The following EIF2AK4 variants were observed in gnomAD, a reference collection of about 807,000 sequenced individuals.
EIF2AK4 encodes the protein eIF-2-alpha kinase GCN2.
A neutral mutation model predicts 211.1 loss-of-function variants in EIF2AK4; 139 were observed. That is an observed-to-expected ratio of 0.66 (90% CI 0.57 to 0.76). EIF2AK4 has a LOEUF of 0.76. Among genes scored for constraint, EIF2AK4 ranks in the 30% least tolerant of loss-of-function variants. The pLI is 0.00. For missense variants in EIF2AK4, 1,664 were observed against 2,043.8 expected, an observed-to-expected ratio of 0.81 and a Z score of 3.58; for synonymous variants, 710 against 751.3, an observed-to-expected ratio of 0.94 and a Z score of 0.90.
chr15:40,004,872 T>C (rs545670238), intron 23 of EIF2AK4, among the ~76,000 whole-genome samples: 2 of 152,306 alleles, frequency 1.3e-5, no homozygotes, highest in South Asian at 4.1e-4. Flanking sequence ...TATTTTTATA[T>C]AGATCAAATA....
intron 4 of EIF2AK4, 83 bp downstream of exon 4, chr15:39,949,351 C>T: frequency 6.5e-7 from 1 of 1,537,060 alleles, no homozygotes; most frequent in South Asian, 1.2e-5. Context: ...TCTCTGCCTA[C>T]AAACTTATCT....
rs368270840 is a variant in EIF2AK4, at chr15:40,030,446, A to G, written c.4649A>G (p.Tyr1550Cys). The stretch of plus-strand genomic sequence containing the variant: ...CTGTCAGCCAGCACTAGGAGGCGCT[A>G]TGAAACTCAGGTACACTGGGTCAGG... ...EKLSASTRRR[Y>C]ETQVQTRLQT... is the part of the protein sequence containing the mutation. Residue 1550 changes from tyrosine (Y) to cysteine (C), a missense_variant, in exon 35 of 39, where the codon TAT becomes TGT. Coordinates refer to ENST00000263791, the MANE Select transcript of EIF2AK4 (RefSeq NM_001013703.4). 1 of 1,613,952 alleles carries G rather than the reference A, an allele frequency of 6.2e-7. No homozygotes were observed. Among genetic ancestry groups the G allele is most frequent in the African/African-American group, 1.3e-5 (1 of 75,050 alleles).
At chr15:39,945,262 G>A (rs557342328) in intron 3 of EIF2AK4, among the ~76,000 whole-genome samples, 303 of 151,828 alleles carry the variant, frequency 2.0e-3, no homozygotes, top group Middle Eastern at 3.4e-3. Context: ...TTACAGGCCC[G>A]AGCCACCACA....
At chr15:40,002,575 G>A in intron 21 of EIF2AK4, 138 bp from the exon 22 acceptor site, 3 of 822,182 alleles carry the variant, frequency 3.6e-6, no homozygotes, top group Non-Finnish European at 6.2e-6. Context: ...TGTGTTCAAA[G>A]AGGGATGGAC....
chr15:39,937,242 TG>T (rs2034078648), intron 1 of EIF2AK4, among the ~76,000 whole-genome samples: 1 of 152,242 alleles, frequency 6.6e-6, no homozygotes, highest in Non-Finnish European at 1.5e-5. Context: ...TAGTGTATGG[TG>T]GTGTTTGTTT....
chr15:39,962,681 ATTATACC>A (rs2034489892), intron 7 of EIF2AK4, among the ~76,000 whole-genome samples: 1 of 152,184 alleles, frequency 6.6e-6, no homozygotes. Context: ...TGCTTGACAT[ATTATACC>A]TGACCAAGAA....
chr15:39,975,209 A>G (rs1247228075), intron 11 of EIF2AK4: 1 of 151,928 alleles, frequency 6.6e-6, no homozygotes, highest in East Asian at 1.9e-4. Flanking sequence ...TAGATGAGGG[A>G]ACTGAAGCTC....
intron 4 of EIF2AK4, 90 bp downstream of exon 4, chr15:39,949,358 A>C: frequency 6.6e-7 from 1 of 1,523,208 alleles, no homozygotes; most frequent in African/African-American, 1.4e-5. Flanking sequence ...CTACAAACTT[A>C]TCTTTAAGTT....
Position 39,950,095 on chromosome 15 carries a change from A to T in EIF2AK4, c.513+827A>T, listed in dbSNP as rs1388817525. Among the ~76,000 whole-genome samples, 3 of 152,228 alleles carry T rather than the reference A, an allele frequency of 2.0e-5. No homozygotes were observed. In the East Asian group the frequency reaches 5.8e-4, roughly 29 times the overall value. ...TAGAACTTACTTTGATTCAGGTTAT[A>T]AAAAAAGCCTAAGTATATTTTTCTT... On this transcript the variant is annotated intron_variant, in intron 4 of 38. Coordinates refer to ENST00000263791, the MANE Select transcript of EIF2AK4 (RefSeq NM_001013703.4).
At chr15:40,016,436 A>G in intron 27 of EIF2AK4, 66 bp from the exon 28 acceptor site, 1 of 1,590,326 alleles carries the variant, frequency 6.3e-7, no homozygotes, top group South Asian at 1.1e-5. Context: ...AGGTGCACAC[A>G]GTCGGTGCAA....
chr15:39,943,369 T>C lies in EIF2AK4; in HGVS notation c.258-14T>C. The C allele has an allele frequency of 2.1e-6, 3 of 1,405,226 alleles. No homozygotes were observed. The highest frequency in any genetic ancestry group is 1.4e-5 in the South Asian group (1 of 69,966). 87.0% of individuals were successfully genotyped at this position (1,405,226 alleles called of 1,614,324 possible). A position where few individuals can be genotyped will look rare whatever the true frequency, so the allele number is the denominator to read the frequency against. On this transcript the variant is annotated splice_polypyrimidine_tract_variant and intron_variant, in intron 2 of 38. Coordinates refer to ENST00000263791, the MANE Select transcript of EIF2AK4 (RefSeq NM_001013703.4). ...AGTAACTCTTTTTTTTTTTTTTTTT[T>C]TTGCCTTTTCCAGAGTTCCTGAAAT... is the stretch of plus-strand genomic sequence containing the variant.
At chr15:39,987,099 CTT>C (rs879708174) in intron 14 of EIF2AK4, among the ~76,000 whole-genome samples, 2 of 152,208 alleles carry the variant, frequency 1.3e-5, no homozygotes, top group Non-Finnish European at 2.9e-5. Context: ...ACATAAATAT[CTT>C]TGAGGTACCA....
In EIF2AK4 at chr15:39,990,285, C is replaced by T. The variant is rs367727235; in HGVS notation, c.2539C>T (p.Arg847Trp). The T allele has an allele frequency of 2.0e-5, 32 of 1,613,902 alleles. No individual in the cohort carries two copies. The highest frequency in any genetic ancestry group is 6.7e-5 in the East Asian group (3 of 44,882). Reference protein sequence around the residue: ...AYIHEKGMIHRDLKPVNIFLD... With the variant: ...AYIHEKGMIHWDLKPVNIFLD... ...TCTCTTTCAACAGGGAATGATTCACCGGGATTTGAAGCCTGTCAACATTTT... is the reference window on the plus strand; with the variant it reads ...TCTCTTTCAACAGGGAATGATTCACTGGGATTTGAAGCCTGTCAACATTTT... The change falls in exon 16 of 39, where the codon CGG becomes TGG. Residue 847 changes from arginine to tryptophan, a missense_variant. By Grantham distance (101) the Arg-to-Trp change is moderately radical. Transcript: ENST00000263791.
intron 4 of EIF2AK4, among the ~76,000 whole-genome samples, chr15:39,951,027 G>A (rs146014521): frequency 2.4e-3 from 371 of 152,170 alleles, no homozygotes; most frequent in African/African-American, 8.7e-3. Flanking sequence ...CGGCCAATAC[G>A]TGATTTCTGT....
At chr15:40,002,114 A>G (rs771815978) in intron 21 of EIF2AK4, among the ~76,000 whole-genome samples, 4 of 152,230 alleles carry the variant, frequency 2.6e-5, no homozygotes, top group African/African-American at 7.2e-5. Context: ...AAAGATCAGT[A>G]TAGATTTTAG....
chr15:40,005,714 G>C (rs2035152159), intron 23 of EIF2AK4, among the ~76,000 whole-genome samples: 1 of 151,494 alleles, frequency 6.6e-6, no homozygotes, highest in Non-Finnish European at 1.5e-5. Flanking sequence ...TGGGACTGTA[G>C]GTGCCCGCTA....
At chr15:40,010,238 A>T (rs559902719) in intron 26 of EIF2AK4, among the ~76,000 whole-genome samples, 1 of 152,342 alleles carries the variant, frequency 6.6e-6, no homozygotes, top group African/African-American at 2.4e-5. Flanking sequence ...GCAACTGTTC[A>T]TGTTGAGAAT....
chr15:40,009,069 TTTTTG>T (rs57240792), intron 25 of EIF2AK4, among the ~76,000 whole-genome samples: 36,027 of 146,586 alleles, frequency 0.25, 4,601 homozygotes, highest in African/African-American at 0.29. Flanking sequence ...GTCAGAGTTG[TTTTTG>T]TTTTGTTTTG....
chr15:40,022,858 C>T (rs2140946711), intron 32 of EIF2AK4, among the ~76,000 whole-genome samples: 1 of 152,268 alleles, frequency 6.6e-6, no homozygotes, highest in South Asian at 2.1e-4. Flanking sequence ...CTCAGCCTCC[C>T]CGGTAGCTGG....
Sources: gnomAD v4.1 joint callset for allele counts (sites outside exome capture counted in the v4.1 genomes callset) on GRCh38, gnomAD v4.1.1 for gene constraint, MANE v1.5 for transcripts, NCBI Gene and HGNC (gene_info 2026-07-23, HGNC 2026-07-21) for gene names.